SCEL: variants seen among roughly 807,000 people sequenced by gnomAD.
The protein encoded by SCEL is sciellin.
Under a neutral mutation model 117.6 loss-of-function variants are expected in SCEL, and 113 were observed. That is an observed-to-expected ratio of 0.96 (90% CI 0.83 to 1.12). The LOEUF (loss-of-function observed/expected upper bound fraction) is 1.12. Ranked by LOEUF, SCEL falls within the 50% of genes most tolerant of loss-of-function variation. The pLI is 0.00. For synonymous variants in SCEL, 270 were observed against 256.2 expected (o/e 1.05, Z -0.51); for missense variants, 785 against 810.8 (o/e 0.97, Z 0.39).
intron 9 of SCEL, among the ~76,000 whole-genome samples, chr13:77,581,274 C>T (rs2086246516): frequency 6.6e-6 from 1 of 152,112 alleles, no homozygotes; most frequent in South Asian, 2.1e-4. Flanking sequence ...AAAATATTAG[C>T]CTGAGTTTAA....
intron 22 of SCEL, among the ~76,000 whole-genome samples, chr13:77,610,864 A>G (rs1290441769): frequency 1.3e-5 from 2 of 152,230 alleles, no homozygotes; most frequent in Admixed American, 1.3e-4. Context: ...TTGAAAAAAG[A>G]ATGACATTTG....
At chr13:77,643,396 T>G (rs1413538951) in intron 32 of SCEL, among the ~76,000 whole-genome samples, 4 of 152,142 alleles carry the variant, frequency 2.6e-5, no homozygotes, top group Admixed American at 2.6e-4. Flanking sequence ...TATGAAAGTT[T>G]TAAAAGCTAA....
chr13:77,608,038 T>C lies in SCEL; in HGVS notation c.1158-18T>C. On this transcript the variant is annotated intron_variant, in intron 19 of 32. Coordinates refer to ENST00000349847, the MANE Select transcript of SCEL (RefSeq NM_144777.3). ...GTTACGTGTTGTCAATCTTAACCATTTCTTCAATGTTTTAAAGGGGCCAGA... is the reference window on the plus strand; with the variant it reads ...GTTACGTGTTGTCAATCTTAACCATCTCTTCAATGTTTTAAAGGGGCCAGA... The C allele has an allele frequency of 6.3e-7, 1 of 1,596,702 alleles. No homozygotes were observed. The highest frequency in any genetic ancestry group is 1.8e-5 in the Admixed American group (1 of 57,080).
At chr13:77,599,192 C>T (rs779109332) in intron 13 of SCEL, 137 bp from the exon 14 acceptor site, 16 of 629,108 alleles carry the variant, frequency 2.5e-5, no homozygotes, top group Non-Finnish European at 3.4e-5. Flanking sequence ...ATGAATATAC[C>T]TATTTCAAGA....
chr13:77,591,018 A>G (rs1265627505), intron 10 of SCEL, among the ~76,000 whole-genome samples: 1 of 152,146 alleles, frequency 6.6e-6, no homozygotes, highest in Non-Finnish European at 1.5e-5. Context: ...TTCAAATGGG[A>G]TAATTCTTTA....
At chr13:77,617,900 C>G in intron 26 of SCEL, 38 bp downstream of exon 26, 3 of 1,578,682 alleles carry the variant, frequency 1.9e-6, no homozygotes, top group Non-Finnish European at 8.7e-7. Flanking sequence ...TTTTATTTGT[C>G]TGTTGCCCTG....
intron 27 of SCEL, among the ~76,000 whole-genome samples, chr13:77,622,737 C>T (rs747111119): frequency 2.6e-4 from 39 of 152,040 alleles, no homozygotes; most frequent in Non-Finnish European, 5.1e-4. Flanking sequence ...TGGCATGCAC[C>T]GGTAGTCCCA....
chr13:77,557,849 A>T (rs2084748583), intron 3 of SCEL, among the ~76,000 whole-genome samples: 1 of 152,346 alleles, frequency 6.6e-6, no homozygotes, highest in South Asian at 2.1e-4. Context: ...GCATTATAGG[A>T]TACTTACTCT....
chr13:77,558,726 G>T (rs550859196), intron 3 of SCEL, among the ~76,000 whole-genome samples: 1 of 145,176 alleles, frequency 6.9e-6, no homozygotes, highest in East Asian at 2.1e-4. Context: ...TGAGACAGGA[G>T]AATTGCTTGA....
chr13:77,640,103 C>A (rs1029689437), intron 30 of SCEL, among the ~76,000 whole-genome samples: 1 of 151,978 alleles, frequency 6.6e-6, no homozygotes, highest in Non-Finnish European at 1.5e-5. Context: ...TAAATTTTGT[C>A]ACGATAGGTA....
chr13:77,537,683 T>C (rs561101237), intron 1 of SCEL, among the ~76,000 whole-genome samples: 1 of 152,288 alleles, frequency 6.6e-6, no homozygotes, highest in East Asian at 1.9e-4. Context: ...TGCCATTCTG[T>C]AGGTGATGCT....
intron 1 of SCEL, among the ~76,000 whole-genome samples, chr13:77,545,518 A>C (rs1033005169): frequency 2.6e-5 from 4 of 152,262 alleles, no homozygotes; most frequent in Non-Finnish European, 5.9e-5. Context: ...CTATTTCTAA[A>C]AAGAAATATC....
rs565956176 is a variant in SCEL at position 77,554,015 on chromosome 13, G to A, written c.-19-1842G>A. ...GGTAATGGTCATGATGAATACATTG[G>A]TTCTTAATCCACATCTTAGGTCAGG... On this transcript the variant is annotated intron_variant, in intron 1 of 32. Coordinates refer to ENST00000349847, the MANE Select transcript of SCEL (RefSeq NM_144777.3). Among the ~76,000 whole-genome samples, 10 of 152,144 alleles carry A rather than the reference G, an allele frequency of 6.6e-5. No individual in the cohort carries two copies. In the South Asian group the frequency reaches 2.1e-3, roughly 32 times the overall value.
At chr13:77,601,237 G>C (rs770472139) in intron 15 of SCEL, among the ~76,000 whole-genome samples, 3 of 151,840 alleles carry the variant, frequency 2.0e-5, no homozygotes, top group Non-Finnish European at 4.4e-5. Context: ...AGTAGGATGT[G>C]CATCTTAAGT....
chr13:77,642,752 G>A lies in SCEL; in HGVS notation c.1994G>A (p.Ser665Asn), dbSNP rs778087589. 6 of 1,607,254 alleles carry A rather than the reference G, an allele frequency of 3.7e-6. No homozygotes were observed. Among genetic ancestry groups the A allele is most frequent in the Non-Finnish European group, 2.6e-6 (3 of 1,176,416 alleles). ...TTGGAAAATCTACAAGCGGGTGATAGTATTTGGATTTATAGACAGACAATA... is the reference window on the plus strand; with the variant it reads ...TTGGAAAATCTACAAGCGGGTGATAATATTTGGATTTATAGACAGACAATA... ...QPLENLQAGD[S>N]IWIYRQTIHC... Residue 665 changes from serine (S) to asparagine (N), a missense_variant, in exon 32 of 33, where the codon AGT (serine) becomes AAT (asparagine). Coordinates refer to ENST00000349847, the MANE Select transcript of SCEL (RefSeq NM_144777.3).
rs1325547406 is a variant in SCEL, at chr13:77,640,711, G to A, written c.1874G>A (p.Arg625Gln). The A allele has an allele frequency of 1.6e-5, 25 of 1,604,008 alleles. 1 individual carries two copies. The highest frequency in any genetic ancestry group is 1.0e-4 in the South Asian group (9 of 89,700). Residue 625 changes from arginine (R) to glutamine (Q), a missense_variant, in exon 31 of 33, where the codon CGA becomes CAA. Physicochemically the swap from Arg to Gln is conservative, Grantham distance 43. Transcript: ENST00000349847. ...GAAAGAGATATGTGCACTTACTGCC[G>A]AAAACCCTTGGGTGTAGAAACTAAA... ...VIERDMCTYCRKPLGVETKMI... is the reference protein window; with the variant it reads ...VIERDMCTYCQKPLGVETKMI...
intron 1 of SCEL, among the ~76,000 whole-genome samples, chr13:77,537,245 G>T (rs1461539268): frequency 6.6e-6 from 1 of 152,202 alleles, no homozygotes; most frequent in African/African-American, 2.4e-5. Context: ...CTGAAACGGA[G>T]CATAGGCCCA....
intron 27 of SCEL, among the ~76,000 whole-genome samples, chr13:77,620,873 T>A (rs1303088374): frequency 6.6e-6 from 1 of 152,144 alleles, no homozygotes; most frequent in Non-Finnish European, 1.5e-5. Context: ...TGTTAAGACA[T>A]CCCCAAGTTT....
chr13:77,563,231 TTTC>T (rs2085084966), intron 4 of SCEL, among the ~76,000 whole-genome samples: 1 of 144,840 alleles, frequency 6.9e-6, no homozygotes, highest in East Asian at 2.5e-4. Flanking sequence ...CTATCCTTCC[TTTC>T]TCTCACTTCC....
Sources: gnomAD v4.1 joint callset for allele counts (sites outside exome capture counted in the v4.1 genomes callset) on GRCh38, gnomAD v4.1.1 for gene constraint, MANE v1.5 for transcripts, NCBI Gene and HGNC (gene_info 2026-07-23, HGNC 2026-07-21) for gene names.